Variants in DACH2 observed in about 807,000 individuals in gnomAD.
DACH2 encodes the protein dachshund family transcription factor 2.
DACH2 carries 17 observed loss-of-function variants against 35.8 expected under a neutral mutation model. The observed-to-expected ratio is 0.48, with a 90% CI of 0.33 to 0.71. DACH2 has a LOEUF of 0.71. DACH2 is among the 30% of genes least tolerant of loss of function. The probability of loss-of-function intolerance (pLI) is 0.02; values close to 1 mark genes in which losing one functional copy is unlikely to be tolerated. For synonymous variants in DACH2, 195 were observed against 177.3 expected (o/e 1.10, Z -0.79); for missense variants, 469 against 472.7 (o/e 0.99, Z 0.07).
intron 3 of DACH2, among the ~76,000 whole-genome samples, chrX:86,542,275 T>C (rs1324955777): frequency 9.0e-6 from 1 of 111,463 alleles, no homozygotes; most frequent in Non-Finnish European, 1.9e-5. Context: ...AGTGTGTTGG[T>C]GTCGGGAGGT....
rs759787777 is a variant in DACH2 at position 86,714,585 on chromosome X, A to G, written c.969A>G (p.Leu323=). ...CATTTATGATGATGCCTCATCCCCT[A>G]CTTCCAGTCAGCTTACCTCCTGCAT... ...DLPFMMMPHP[L]LPVSLPPASV... is the part of the protein sequence containing the mutation. The change falls in exon 6 of 12, where the codon CTA becomes CTG. Residue 323 remains leucine, a synonymous_variant. Coordinates refer to ENST00000373125, the MANE Select transcript of DACH2 (RefSeq NM_053281.3). The G allele has an allele frequency of 1.7e-6, 2 of 1,207,267 alleles. No individual in the cohort carries two copies. The highest frequency in any genetic ancestry group is 2.2e-5 in the Admixed American group (1 of 45,894).
intron 2 of DACH2, among the ~76,000 whole-genome samples, chrX:86,417,923 A>G (rs1056050588): frequency 8.9e-6 from 1 of 112,009 alleles, no homozygotes; most frequent in African/African-American, 3.2e-5. Context: ...TACTTCCTAG[A>G]TACAATGGGG....
intron 7 of DACH2, among the ~76,000 whole-genome samples, chrX:86,777,505 C>T (rs190737960): frequency 9.0e-6 from 1 of 111,581 alleles, no homozygotes; most frequent in Non-Finnish European, 1.9e-5. Context: ...TTAAGTGACT[C>T]TCTATTTTCT....
intron 2 of DACH2, among the ~76,000 whole-genome samples, chrX:86,383,806 G>T (rs1390953916): frequency 9.2e-6 from 1 of 108,437 alleles, no homozygotes; most frequent in Non-Finnish European, 1.9e-5. Context: ...TGACATTATA[G>T]TCAAGCAAGT....
At chrX:86,656,857 G>GTGTGTATATA (rs1333268452) in intron 4 of DACH2, among the ~76,000 whole-genome samples, 6 of 66,772 alleles carry the variant, frequency 9.0e-5, no homozygotes, top group African/African-American at 3.6e-4. Flanking sequence ...GTGTGTGTGT[G>GTGTGTATATA]TATATATATA....
chrX:86,538,526 A>G (rs1048094621), intron 3 of DACH2, among the ~76,000 whole-genome samples: 3 of 111,897 alleles, frequency 2.7e-5, no homozygotes, highest in Non-Finnish European at 5.6e-5. Context: ...GTAATTTATG[A>G]TGAGCAGAAA....
chrX:86,335,817 G>A (rs1345023266), intron 1 of DACH2, among the ~76,000 whole-genome samples: 7 of 111,891 alleles, frequency 6.3e-5, no homozygotes, highest in Admixed American at 3.8e-4. Context: ...GGGCATCCGT[G>A]TCTTGTGCTG....
At chrX:86,466,089 G>A (rs192022453) in intron 2 of DACH2, among the ~76,000 whole-genome samples, 17 of 111,680 alleles carry the variant, frequency 1.5e-4, no homozygotes, top group Admixed American at 3.8e-4. Flanking sequence ...TAGACTTATA[G>A]TTTAACATGG....
intron 2 of DACH2, among the ~76,000 whole-genome samples, chrX:86,377,550 A>T (rs780118169): frequency 9.0e-6 from 1 of 110,635 alleles, no homozygotes; most frequent in South Asian, 3.8e-4. Context: ...ACACACAGTG[A>T]CTCAGAGACA....
chrX:86,794,697 A>C (rs2042218482), intron 7 of DACH2, among the ~76,000 whole-genome samples: 1 of 111,967 alleles, frequency 8.9e-6, no homozygotes, highest in Non-Finnish European at 1.9e-5. Flanking sequence ...ATGGGGGAAG[A>C]AAACACATGT....
chrX:86,397,120 G>T (rs912582069), intron 2 of DACH2, among the ~76,000 whole-genome samples: 5 of 109,926 alleles, frequency 4.5e-5, no homozygotes, highest in Admixed American at 2.9e-4. Context: ...CTTGTAAGTT[G>T]GATTCCTAGG....
At chrX:86,349,014 G>A (rs1014595252) in intron 1 of DACH2, among the ~76,000 whole-genome samples, 1 of 112,648 alleles carries the variant, frequency 8.9e-6, no homozygotes, top group African/African-American at 3.2e-5. Context: ...TCTGTAGGCA[G>A]CTTGTGTTAA....
chrX:86,517,992 A>AT (rs1273969839), intron 3 of DACH2, among the ~76,000 whole-genome samples: 2 of 111,242 alleles, frequency 1.8e-5, no homozygotes, highest in Non-Finnish European at 3.8e-5. Context: ...CTAGGATGGT[A>AT]TTGCCTTGGT....
intron 7 of DACH2, among the ~76,000 whole-genome samples, chrX:86,771,108 G>A (rs1387498159): frequency 8.8e-6 from 1 of 113,029 alleles, no homozygotes; most frequent in Non-Finnish European, 1.9e-5. Context: ...CGAGGCTTGT[G>A]CTGACATAAT....
At chrX:86,180,805 A>G (rs938520553) in intron 1 of DACH2, among the ~76,000 whole-genome samples, 1 of 111,979 alleles carries the variant, frequency 8.9e-6, no homozygotes, top group Non-Finnish European at 1.9e-5. Flanking sequence ...ATCGAAGCCA[A>G]TGAGTCTAAC....
chrX:86,710,987 T>C (rs1336908320), intron 5 of DACH2, among the ~76,000 whole-genome samples: 4 of 112,103 alleles, frequency 3.6e-5, no homozygotes, highest in Non-Finnish European at 7.5e-5. Context: ...GATAGAGGAT[T>C]ACTAAAGTTT....
Position 86,624,047 on chromosome X carries a change from C to CAAAA in DACH2, c.641-26985_641-26982dup, listed in dbSNP as rs1466830603. Reference sequence around the variant, plus strand: ...TGGGCGACAGAGCGAAACTCCGTCTCAAAAAAACAAAACAAAAAAAAAAAA... The same window carrying CAAAA: ...TGGGCGACAGAGCGAAACTCCGTCTCAAAAAAAAAAACAAAACAAAAAAAAAAAA... On this transcript the variant is annotated intron_variant, in intron 3 of 11. Transcript: ENST00000373125. Among the ~76,000 whole-genome samples the CAAAA allele has an allele frequency of 2.6e-3, 43 of 16,339 alleles. 2 individuals carry two copies. The highest frequency in any genetic ancestry group is 0.011 in the African/African-American group (39 of 3,492). The allele number at this position is 16,339 out of a possible 115,157, so 14.2% of individuals were successfully genotyped here.
intron 7 of DACH2, among the ~76,000 whole-genome samples, chrX:86,809,860 T>C (rs1305061194): frequency 9.0e-6 from 1 of 111,306 alleles, no homozygotes; most frequent in Non-Finnish European, 1.9e-5. Context: ...TGTGTCCTAT[T>C]TGTCTTTTGA....
chrX:86,398,793 G>A (rs1225695969), intron 2 of DACH2, among the ~76,000 whole-genome samples: 2 of 111,699 alleles, frequency 1.8e-5, no homozygotes, highest in African/African-American at 3.3e-5. Flanking sequence ...ATTTGCTGAG[G>A]AGTGCTTTAC....
Sources: gnomAD v4.1 joint callset for allele counts (sites outside exome capture counted in the v4.1 genomes callset) on GRCh38, gnomAD v4.1.1 for gene constraint, MANE v1.5 for transcripts, NCBI Gene and HGNC (gene_info 2026-07-23, HGNC 2026-07-21) for gene names.